The following NKAIN3 variants were observed in gnomAD, a reference collection of about 807,000 sequenced individuals.
NKAIN3 encodes sodium/potassium-transporting ATPase subunit beta-1-interacting protein 3.
Under a neutral mutation model 30.2 loss-of-function variants are expected in NKAIN3, and 25 were observed. The observed-to-expected ratio is 0.83, with a 90% CI of 0.60 to 1.16. The LOEUF is 1.16. Ranked by LOEUF, NKAIN3 falls within the 50% of genes most tolerant of loss-of-function variation. The pLI is 0.00. For missense variants in NKAIN3, 225 were observed against 254.1 expected, an observed-to-expected ratio of 0.89 and a Z score of 0.78; for synonymous variants, 91 against 89.6, an observed-to-expected ratio of 1.02 and a Z score of -0.09.
At chr8:62,437,780 C>T (rs780916663) in intron 1 of NKAIN3, among the ~76,000 whole-genome samples, 17 of 152,062 alleles carry the variant, frequency 1.1e-4, no homozygotes, top group Admixed American at 7.2e-4. Context: ...TCCTTCTTCC[C>T]AATGGAATCA....
intron 1 of NKAIN3, among the ~76,000 whole-genome samples, chr8:62,424,605 A>T (rs1243132804): frequency 6.6e-6 from 1 of 151,784 alleles, no homozygotes; most frequent in Non-Finnish European, 1.5e-5. Context: ...AAAAAATATT[A>T]TCTCACACCT....
At chr8:62,612,502 T>A (rs867416415) in intron 3 of NKAIN3, among the ~76,000 whole-genome samples, 47 of 151,458 alleles carry the variant, frequency 3.1e-4, no homozygotes, top group African/African-American at 1.1e-3. Context: ...TTATAGGTGA[T>A]GTGTGTTTCT....
At chr8:62,824,686 C>G (rs1818964410) in intron 4 of NKAIN3, among the ~76,000 whole-genome samples, 1 of 152,084 alleles carries the variant, frequency 6.6e-6, no homozygotes, top group South Asian at 2.1e-4. Flanking sequence ...TTCTACTTGC[C>G]CTGATTGTCC....
At chr8:62,949,348 T>A (rs982414842) in intron 5 of NKAIN3, among the ~76,000 whole-genome samples, 8 of 152,192 alleles carry the variant, frequency 5.3e-5, no homozygotes, top group Admixed American at 4.6e-4. Context: ...AAGTTGCTAT[T>A]GGTTGTGTAT....
intron 1 of NKAIN3, chr8:62,474,168 T>C (rs146659698): frequency 6.6e-6 from 1 of 152,272 alleles, no homozygotes; most frequent in East Asian, 1.9e-4. Context: ...AGATCTTCAT[T>C]CATGTGATCA....
intron 3 of NKAIN3, among the ~76,000 whole-genome samples, chr8:62,719,197 C>A (rs1355102678): frequency 1.3e-5 from 2 of 152,042 alleles, no homozygotes; most frequent in African/African-American, 4.8e-5. Context: ...AGCAGGTGTG[C>A]GGTTGACTAT....
chr8:62,305,886 G>A (rs1814221390), intron 1 of NKAIN3, among the ~76,000 whole-genome samples: 1 of 150,392 alleles, frequency 6.6e-6, no homozygotes, highest in Non-Finnish European at 1.5e-5. Context: ...TACTGCTTCT[G>A]CTGTTCAATG....
chr8:62,296,440 A>G (rs1024765276), intron 1 of NKAIN3, among the ~76,000 whole-genome samples: 64 of 152,200 alleles, frequency 4.2e-4, no homozygotes, highest in African/African-American at 1.5e-3. Context: ...TGCTATGCCA[A>G]TAAACAGTTA....
rs868667211 is a variant in NKAIN3, at chr8:62,381,430, C to A, written c.54+132303C>A. On this transcript the variant is annotated intron_variant, in intron 1 of 6. Transcript: ENST00000623646. ...CCTTTACTATATTCTTCTCTACCCT[C>A]GAAAGTCAAGCTTCTTATCCTTTAG... is the stretch of plus-strand genomic sequence containing the variant. 1.8e-4 allele frequency among the ~76,000 whole-genome samples: 28 copies of A among 152,060 alleles called. 1 individual carries two copies. Among genetic ancestry groups the A allele is most frequent in the Middle Eastern group, 6.3e-3 (2 of 316 alleles).
chr8:62,834,790 T>C (rs1156267048), intron 4 of NKAIN3, among the ~76,000 whole-genome samples: 3 of 152,086 alleles, frequency 2.0e-5, no homozygotes, highest in African/African-American at 7.2e-5. Flanking sequence ...GTTATTCCTA[T>C]CAAATTACCA....
chr8:62,718,354 T>C (rs1814976003), intron 3 of NKAIN3, among the ~76,000 whole-genome samples: 1 of 152,232 alleles, frequency 6.6e-6, no homozygotes, highest in South Asian at 2.1e-4. Context: ...TATTTAATAG[T>C]ATGTAATTCC....
intron 1 of NKAIN3, among the ~76,000 whole-genome samples, chr8:62,525,799 T>C (rs1328113939): frequency 6.6e-6 from 1 of 152,156 alleles, no homozygotes; most frequent in Non-Finnish European, 1.5e-5. Flanking sequence ...AAATCTATGG[T>C]AAAACTTTTA....
At chr8:62,799,077 C>T (rs924592799) in intron 4 of NKAIN3, among the ~76,000 whole-genome samples, 1 of 152,048 alleles carries the variant, frequency 6.6e-6, no homozygotes, top group African/African-American at 2.4e-5. Context: ...TAAATGTTTT[C>T]TTTATCAAGT....
chr8:62,553,407 T>C (rs1278229691), intron 1 of NKAIN3, among the ~76,000 whole-genome samples: 3 of 152,200 alleles, frequency 2.0e-5, no homozygotes. Flanking sequence ...TCCTTATTTA[T>C]ATGCTATGCT....
At chr8:62,870,255 T>TCTAG (rs1563603956) in intron 4 of NKAIN3, among the ~76,000 whole-genome samples, 1 of 118,264 alleles carries the variant, frequency 8.5e-6, no homozygotes, top group African/African-American at 4.1e-5. Context: ...GATATCTATA[T>TCTAG]ATATATCTAT....
chr8:62,800,455 T>A (rs944606056), intron 4 of NKAIN3, among the ~76,000 whole-genome samples: 7 of 152,258 alleles, frequency 4.6e-5, no homozygotes, highest in African/African-American at 1.7e-4. Flanking sequence ...TAGTACTGAA[T>A]TTTATGCTAT....
At chr8:62,709,736 C>A (rs1814655539) in intron 3 of NKAIN3, among the ~76,000 whole-genome samples, 2 of 151,914 alleles carry the variant, frequency 1.3e-5, no homozygotes, top group Non-Finnish European at 2.9e-5. Context: ...CTGCTCTGAT[C>A]TTTGTTATTT....
At chr8:62,460,903 A>G (rs1309538133) in intron 1 of NKAIN3, among the ~76,000 whole-genome samples, 2 of 152,226 alleles carry the variant, frequency 1.3e-5, no homozygotes, top group Non-Finnish European at 2.9e-5. Flanking sequence ...TAGAATAACC[A>G]GAAAACTTTA....
intron 3 of NKAIN3, among the ~76,000 whole-genome samples, chr8:62,741,525 A>G (rs547414345): frequency 6.6e-6 from 1 of 152,310 alleles, no homozygotes; most frequent in South Asian, 2.1e-4. Flanking sequence ...AGACCTTCTT[A>G]TCACCAGAGT....
Sources: allele counts gnomAD v4.1 joint callset (sites outside exome capture counted in the v4.1 genomes callset), GRCh38; gene constraint gnomAD v4.1.1; transcripts MANE v1.5; gene names NCBI Gene and HGNC (gene_info 2026-07-23, HGNC 2026-07-21).